TAFA1: variants seen among roughly 807,000 people sequenced by gnomAD.
The protein encoded by TAFA1 is TAFA chemokine like family member 1.
In TAFA1, 4 loss-of-function variants were observed where a neutral mutation model predicts 18.5. That is an observed-to-expected ratio of 0.22 (90% CI 0.11 to 0.49). The LOEUF (loss-of-function observed/expected upper bound fraction) is 0.49. Ranked by LOEUF, TAFA1 falls within the 20% of genes least tolerant of loss-of-function variation. TAFA1 has a pLI of 0.98. For missense variants in TAFA1, 147 were observed against 169.0 expected (o/e 0.87, Z 0.72); for synonymous variants, 56 against 55.2 (o/e 1.01, Z -0.06).
chr3:68,138,204 G>A (rs1437678408), intron 2 of TAFA1, among the ~76,000 whole-genome samples: 2 of 152,168 alleles, frequency 1.3e-5, no homozygotes, highest in Non-Finnish European at 2.9e-5. Context: ...CCTCTCTGGA[G>A]TTGAGCAGAG....
At chr3:68,421,828 A>T (rs1274758232) in intron 3 of TAFA1, among the ~76,000 whole-genome samples, 3 of 152,072 alleles carry the variant, frequency 2.0e-5, no homozygotes, top group Non-Finnish European at 4.4e-5. Context: ...TTAGAGAGAA[A>T]CTTTTTTTAT....
intron 2 of TAFA1, among the ~76,000 whole-genome samples, chr3:68,229,144 C>T (rs1263149297): frequency 6.6e-6 from 1 of 152,148 alleles, no homozygotes; most frequent in African/African-American, 2.4e-5. Context: ...CAGATAGGCA[C>T]AATAGTCTTA....
intron 2 of TAFA1, among the ~76,000 whole-genome samples, chr3:68,147,052 T>A (rs1477359866): frequency 6.6e-6 from 1 of 150,906 alleles, no homozygotes; most frequent in African/African-American, 2.4e-5. Flanking sequence ...TATATATATA[T>A]ATATATTCTA....
rs190584214 is a variant in TAFA1 at position 68,224,039 on chromosome 3, C to A, written c.119-193241C>A. ...CCAGATTTTATAGCCAACAACCATG[C>A]AAGTAGAGGGAAACTGCTAGTATTT... On this transcript the variant is annotated intron_variant, in intron 2 of 4. Transcript: ENST00000478136. 3.3e-5 allele frequency among the ~76,000 whole-genome samples: 5 copies of A among 150,622 alleles called. No homozygotes were observed. In the East Asian group the frequency reaches 9.8e-4, roughly 29 times the overall value.
Position 68,033,012 on chromosome 3 carries a change from G to A in TAFA1, c.118+26268G>A, listed in dbSNP as rs79941218. 6.0e-3 allele frequency among the ~76,000 whole-genome samples: 919 copies of A among 152,102 alleles called. 4 individuals carry two copies. Among genetic ancestry groups the A allele is most frequent in the African/African-American group, 0.019 (784 of 41,504 alleles). On this transcript the variant is annotated intron_variant, in intron 2 of 4. Coordinates refer to ENST00000478136, the MANE Select transcript of TAFA1 (RefSeq NM_213609.4). ...CATTTCCCCCAAAATTAAGTCAGAA[G>A]CAAGAACATTTATATATAAATGGTT...
chr3:68,503,709 G>A lies in TAFA1; in HGVS notation c.260-35047G>A, dbSNP rs145691033. Reference sequence around the variant, plus strand: ...TGTGAATTTTACCGAATCGTTTTTTGAAAAATCATTCCTAGTAGGGAGGCC... The same window carrying A: ...TGTGAATTTTACCGAATCGTTTTTTAAAAAATCATTCCTAGTAGGGAGGCC... On this transcript the variant is annotated intron_variant, in intron 3 of 4. Coordinates refer to ENST00000478136, the MANE Select transcript of TAFA1 (RefSeq NM_213609.4). Among the ~76,000 whole-genome samples, 355 of 151,964 alleles carry A rather than the reference G, an allele frequency of 2.3e-3. 3 individuals are homozygous for A. Among genetic ancestry groups the A allele is most frequent in the African/African-American group, 7.6e-3 (314 of 41,510 alleles).
intron 2 of TAFA1, among the ~76,000 whole-genome samples, chr3:68,292,463 A>G (rs2068127268): frequency 6.6e-6 from 1 of 151,148 alleles, no homozygotes; most frequent in Non-Finnish European, 1.5e-5. Context: ...AACACTTTTT[A>G]AGATTTTCAT....
At chr3:67,995,533 C>A in the TAFA1 span, among the ~76,000 whole-genome samples, 2 of 152,172 alleles carry the variant, frequency 1.3e-5, no homozygotes, top group Non-Finnish European at 2.9e-5. Flanking sequence ...TTTTTCTCTA[C>A]TCTAAACTTG....
chr3:68,375,980 C>T (rs934038378), intron 2 of TAFA1, among the ~76,000 whole-genome samples: 1 of 152,098 alleles, frequency 6.6e-6, no homozygotes, highest in African/African-American at 2.4e-5. Context: ...TTTTTAAGAA[C>T]CATCTCCTAA....
intron 3 of TAFA1, among the ~76,000 whole-genome samples, chr3:68,419,451 A>G (rs1340004552): frequency 5.9e-5 from 9 of 152,164 alleles, no homozygotes; most frequent in Non-Finnish European, 1.3e-4. Flanking sequence ...TCTAATACCA[A>G]ATTTAGACCA....
At chr3:68,468,938 G>T (rs1028090723) in intron 3 of TAFA1, among the ~76,000 whole-genome samples, 1 of 152,004 alleles carries the variant, frequency 6.6e-6, no homozygotes, top group Non-Finnish European at 1.5e-5. Context: ...AATTCCACGA[G>T]GTGTCAAATT....
At chr3:68,067,685 G>A in intron 2 of TAFA1, among the ~76,000 whole-genome samples, 1 of 152,048 alleles carries the variant, frequency 6.6e-6, no homozygotes, top group South Asian at 2.1e-4. Flanking sequence ...TGACCATCCG[G>A]TAGCCAACTT....
chr3:68,395,070 A>G (rs1388302138), intron 2 of TAFA1, among the ~76,000 whole-genome samples: 1 of 152,204 alleles, frequency 6.6e-6, no homozygotes, highest in East Asian at 1.9e-4. Flanking sequence ...GCTAATATCC[A>G]GAAACTACAA....
intron 2 of TAFA1, among the ~76,000 whole-genome samples, chr3:68,041,036 C>T (rs1048612572): frequency 6.6e-6 from 1 of 152,146 alleles, no homozygotes; most frequent in Non-Finnish European, 1.5e-5. Flanking sequence ...GACAGTGCCT[C>T]TCTTCTGCCA....
intron 2 of TAFA1, among the ~76,000 whole-genome samples, chr3:68,315,402 A>C (rs1037339285): frequency 6.6e-6 from 1 of 152,136 alleles, no homozygotes; most frequent in African/African-American, 2.4e-5. Context: ...GTGCATGGAA[A>C]GTGTTAATGG....
At chr3:68,082,941 A>G (rs184527723) in intron 2 of TAFA1, among the ~76,000 whole-genome samples, 3 of 152,354 alleles carry the variant, frequency 2.0e-5, no homozygotes, top group African/African-American at 4.8e-5. Flanking sequence ...TTCTCCATAT[A>G]CAAGGAGGAA....
At chr3:68,445,102 T>G (rs1191882185) in intron 3 of TAFA1, among the ~76,000 whole-genome samples, 1 of 152,144 alleles carries the variant, frequency 6.6e-6, no homozygotes, top group Non-Finnish European at 1.5e-5. Flanking sequence ...TAAACAAAAC[T>G]TAGACATGCT....
intron 2 of TAFA1, among the ~76,000 whole-genome samples, chr3:68,123,574 G>A (rs960396617): frequency 6.6e-6 from 1 of 152,200 alleles, no homozygotes; most frequent in African/African-American, 2.4e-5. Flanking sequence ...AAAAGAGATG[G>A]TCTGCCCTTG....
Position 68,253,530 on chromosome 3 carries a change from A to G in TAFA1, c.119-163750A>G, listed in dbSNP as rs1017562895. Among the ~76,000 whole-genome samples the G allele has an allele frequency of 2.0e-5, 3 of 152,292 alleles. No homozygotes were observed. The South Asian group carries it at 6.2e-4, about 32-fold the overall frequency. ...TCAGATTTTGTGCACTACTTACTGC[A>G]TACTCATCTAACCCTTTGCATTGCT... On this transcript the variant is annotated intron_variant, in intron 2 of 4. Coordinates refer to ENST00000478136, the MANE Select transcript of TAFA1 (RefSeq NM_213609.4).
Sources: allele counts gnomAD v4.1 joint callset (sites outside exome capture counted in the v4.1 genomes callset), GRCh38; gene constraint gnomAD v4.1.1; transcripts MANE v1.5; gene names NCBI Gene and HGNC (gene_info 2026-07-23, HGNC 2026-07-21).